NPAS3: variants seen among roughly 807,000 people sequenced by gnomAD.
The protein encoded by NPAS3 is neuronal PAS domain-containing protein 3.
NPAS3 carries 14 observed loss-of-function variants against 73.1 expected under a neutral mutation model. The observed-to-expected ratio is 0.19, with a 90% confidence interval of 0.13 to 0.30. The LOEUF (loss-of-function observed/expected upper bound fraction) is 0.30. Ranked by LOEUF, NPAS3 falls within the 10% of genes least tolerant of loss-of-function variation. The pLI is 1.00. For synonymous variants in NPAS3, 620 were observed against 541.5 expected (o/e 1.14, Z -2.01); for missense variants, 1,096 against 1,250.0 (o/e 0.88, Z 1.86).
intron 4 of NPAS3, among the ~76,000 whole-genome samples, chr14:33,427,196 G>C (rs2048589721): frequency 6.6e-6 from 1 of 151,956 alleles, no homozygotes; most frequent in African/African-American, 2.4e-5. Context: ...TCTCCTAAGA[G>C]CTATGGGATG....
intron 7 of NPAS3, among the ~76,000 whole-genome samples, chr14:33,764,716 A>T (rs905435427): frequency 2.0e-5 from 3 of 152,262 alleles, no homozygotes; most frequent in African/African-American, 7.2e-5. Context: ...GAAGGGCGAC[A>T]CCCCGCTCCT....
chr14:33,398,883 C>G (rs1407945553), intron 4 of NPAS3, among the ~76,000 whole-genome samples: 1 of 151,498 alleles, frequency 6.6e-6, no homozygotes, highest in African/African-American at 2.4e-5. Context: ...TTTTTTTATT[C>G]TAAGGGGCTC....
intron 7 of NPAS3, among the ~76,000 whole-genome samples, chr14:33,773,007 G>A (rs1447618368): frequency 6.6e-6 from 1 of 152,184 alleles, no homozygotes; most frequent in Non-Finnish European, 1.5e-5. Flanking sequence ...ACTCTGAAGG[G>A]CAGCCCTGTA....
At chr14:33,471,032 T>G (rs1053575800) in intron 4 of NPAS3, among the ~76,000 whole-genome samples, 1 of 152,172 alleles carries the variant, frequency 6.6e-6, no homozygotes, top group African/African-American at 2.4e-5. Flanking sequence ...TGTGATAGAA[T>G]TGCACGTAGC....
intron 3 of NPAS3, among the ~76,000 whole-genome samples, chr14:33,275,263 CTT>C (rs1192578168): frequency 6.6e-6 from 1 of 152,152 alleles, no homozygotes; most frequent in Non-Finnish European, 1.5e-5. Flanking sequence ...AGATACTGCT[CTT>C]TTATTACTCG....
At chr14:33,631,917 C>T (rs143333178) in intron 5 of NPAS3, among the ~76,000 whole-genome samples, 1 of 152,308 alleles carries the variant, frequency 6.6e-6, no homozygotes, top group East Asian at 1.9e-4. Flanking sequence ...TTGCATCCTT[C>T]ATTTGCATGT....
rs147566038 is a variant in NPAS3 at position 33,532,550 on chromosome 14, T to C, written c.469-27571T>C. ...GAAACAGATGATTTGTCCAAGCTCA[T>C]AGGGCTCATAAATGGCTCAACCTAG... is the stretch of plus-strand genomic sequence containing the variant. On this transcript the variant is annotated intron_variant, in intron 4 of 11. Coordinates refer to ENST00000356141, the Ensembl canonical transcript of NPAS3. 2.4e-4 allele frequency among the ~76,000 whole-genome samples: 36 copies of C among 152,158 alleles called. No homozygotes were observed. In the East Asian group the frequency reaches 5.6e-3, roughly 24 times the overall value.
intron 6 of NPAS3, among the ~76,000 whole-genome samples, chr14:33,727,364 G>A (rs117252963): frequency 0.02 from 3,084 of 152,102 alleles, 48 homozygotes; most frequent in Middle Eastern, 0.048. Flanking sequence ...TGTGATATGC[G>A]CTAAACAGCC....
intron 3 of NPAS3, among the ~76,000 whole-genome samples, chr14:33,287,461 C>A (rs887347108): frequency 8.5e-5 from 13 of 152,074 alleles, no homozygotes; most frequent in African/African-American, 2.7e-4. Context: ...AGAGACTAAC[C>A]GACAGGGCAC....
chr14:33,011,219 T>C (rs190968443), intron 1 of NPAS3, among the ~76,000 whole-genome samples: 102 of 152,350 alleles, frequency 6.7e-4, no homozygotes, highest in African/African-American at 2.4e-3. Flanking sequence ...GATTATTGTA[T>C]ACTTTTAAAT....
At chr14:33,511,599 C>A (rs1231346279) in intron 4 of NPAS3, among the ~76,000 whole-genome samples, 1 of 151,972 alleles carries the variant, frequency 6.6e-6, no homozygotes, top group African/African-American at 2.4e-5. Flanking sequence ...CCACTAGTTT[C>A]TTGTGAATTA....
chr14:33,232,259 G>T (rs73254928), intron 3 of NPAS3, among the ~76,000 whole-genome samples: 1 of 152,184 alleles, frequency 6.6e-6, no homozygotes, highest in African/African-American at 2.4e-5. Flanking sequence ...GGCCAGCGTG[G>T]ACTCAGATTA....
intron 6 of NPAS3, among the ~76,000 whole-genome samples, chr14:33,708,569 T>C (rs1396245481): frequency 6.6e-6 from 1 of 152,082 alleles, no homozygotes; most frequent in Non-Finnish European, 1.5e-5. Flanking sequence ...AGAAAACCAA[T>C]ACAGGCTTTA....
intron 6 of NPAS3, among the ~76,000 whole-genome samples, chr14:33,678,163 A>G (rs2059821791): frequency 6.6e-6 from 1 of 152,196 alleles, no homozygotes; most frequent in Admixed American, 6.5e-5. Flanking sequence ...CTCTACAGCA[A>G]AACCAGCAGG....
chr14:33,774,564 A>G (rs1566526404), intron 8 of NPAS3, 34 bp downstream of exon 8: 2 of 1,550,116 alleles, frequency 1.3e-6, no homozygotes, highest in Non-Finnish European at 8.9e-7. Context: ...GCCCTGTTGC[A>G]CGTTGCACAT....
intron 7 of NPAS3, among the ~76,000 whole-genome samples, chr14:33,752,386 G>T (rs898466005): frequency 3.3e-5 from 5 of 152,120 alleles, no homozygotes; most frequent in African/African-American, 9.7e-5. Context: ...AGCCATTTAA[G>T]AGTAGATATT....
At chr14:33,637,579 G>A (rs1402817474) in intron 5 of NPAS3, among the ~76,000 whole-genome samples, 1 of 152,184 alleles carries the variant, frequency 6.6e-6, no homozygotes, top group African/African-American at 2.4e-5. Flanking sequence ...GTAATGGATT[G>A]TCAGGAACCC....
At position 33,553,305 on chromosome 14, in the gene NPAS3, T is replaced by G. The variant is rs571155710; in HGVS notation, c.469-6816T>G. On this transcript the variant is annotated intron_variant, in intron 4 of 11. Coordinates refer to ENST00000356141, the Ensembl canonical transcript of NPAS3. ...GCTCAGAAAGTGGGTCTCTTTGTTC[T>G]TCTCATGTTTTAACACTTTGCTAGC... Among the ~76,000 whole-genome samples, 253 of 152,328 alleles carry G rather than the reference T, an allele frequency of 1.7e-3. 1 individual carries two copies. Among genetic ancestry groups the G allele is most frequent in the South Asian group, 0.014 (69 of 4,828 alleles).
chr14:33,268,810 G>T (rs769828793), intron 3 of NPAS3, among the ~76,000 whole-genome samples: 2 of 152,194 alleles, frequency 1.3e-5, no homozygotes. Flanking sequence ...GCTGAAGGAC[G>T]ATGTTGATAT....
Sources: allele counts gnomAD v4.1 joint callset (sites outside exome capture counted in the v4.1 genomes callset), GRCh38; gene constraint gnomAD v4.1.1; transcripts MANE v1.5; gene names NCBI Gene and HGNC (gene_info 2026-07-23, HGNC 2026-07-21).